Variants in LIPH observed in about 807,000 individuals in gnomAD.
LIPH encodes the protein lipase H, also known as lipase member H.
LIPH carries 32 observed loss-of-function variants against 47.6 expected under a neutral mutation model. The observed-to-expected ratio is 0.67, with a 90% CI of 0.51 to 0.90. The LOEUF (loss-of-function observed/expected upper bound fraction) is 0.90, where lower values mean the gene tolerates loss of function less well. Ranked by LOEUF, LIPH falls within the 40% of genes least tolerant of loss-of-function variation. The probability of loss-of-function intolerance (pLI) is 0.00; values close to 1 mark genes in which losing one functional copy is unlikely to be tolerated. For missense variants in LIPH, 497 were observed against 541.4 expected, an observed-to-expected ratio of 0.92 and a Z score of 0.81; for synonymous variants, 190 against 195.6, an observed-to-expected ratio of 0.97 and a Z score of 0.24.
chr3:185,532,438 G>C lies in LIPH; in HGVS notation c.526+1133C>G, dbSNP rs929789259. Among the ~76,000 whole-genome samples the C allele has an allele frequency of 1.6e-4, 24 of 152,094 alleles. No individual in the cohort carries two copies. The East Asian group carries it at 2.1e-3, about 13-fold the overall frequency. ...GAGTGGAGGACTGCTTGTGCCTGGG[G>C]GGGCGTTGAGGCTGCAGTGAGCTGC... On this transcript the variant is annotated intron_variant, in intron 3 of 9. Coordinates refer to ENST00000296252, the MANE Select transcript of LIPH (RefSeq NM_139248.3).
chr3:185,526,185 A>G (rs1277104707), intron 4 of LIPH, among the ~76,000 whole-genome samples: 1 of 151,916 alleles, frequency 6.6e-6, no homozygotes, highest in African/African-American at 2.4e-5. Flanking sequence ...CAACATAGCG[A>G]GACCCCCATC....
chr3:185,534,185 G>T (rs937992427), intron 2 of LIPH, among the ~76,000 whole-genome samples: 1 of 152,058 alleles, frequency 6.6e-6, no homozygotes, highest in African/African-American at 2.4e-5. Context: ...GTGAAACCCC[G>T]TCTCTACTAA....
At chr3:185,531,637 A>C (rs998212950) in intron 3 of LIPH, among the ~76,000 whole-genome samples, 4 of 151,586 alleles carry the variant, frequency 2.6e-5, no homozygotes, top group African/African-American at 9.7e-5. Context: ...TCCCAGCACT[A>C]TGGGGGACCA....
intron 1 of LIPH, among the ~76,000 whole-genome samples, chr3:185,550,084 G>A (rs1721006362): frequency 6.6e-6 from 1 of 152,064 alleles, no homozygotes; most frequent in South Asian, 2.1e-4. Context: ...TGAATGACTT[G>A]TATCCTTGGG....
intron 9 of LIPH, among the ~76,000 whole-genome samples, chr3:185,509,133 A>T (rs1201003964): frequency 1.3e-5 from 2 of 151,766 alleles, no homozygotes; most frequent in South Asian, 4.2e-4. Context: ...TCTACTAAAA[A>T]TACAAAAATT....
intron 3 of LIPH, 21 bp downstream of exon 3, chr3:185,533,550 T>C (rs766027118): frequency 6.6e-7 from 1 of 1,514,284 alleles, no homozygotes; most frequent in South Asian, 1.1e-5. Flanking sequence ...TACCAACCCA[T>C]GCCCATTCAC....
chr3:185,523,457 T>C (rs1719969798), intron 5 of LIPH, among the ~76,000 whole-genome samples: 1 of 152,128 alleles, frequency 6.6e-6, no homozygotes, highest in Non-Finnish European at 1.5e-5. Flanking sequence ...TAGGTTAGAG[T>C]GCAGTGGCAT....
At chr3:185,541,394 CTT>C (rs11349854) in intron 1 of LIPH, among the ~76,000 whole-genome samples, 2,102 of 130,760 alleles carry the variant, frequency 0.016, 30 homozygotes, top group African/African-American at 0.046. Context: ...ATCTTTCTTT[CTT>C]TTTTTTTTTT....
At position 185,517,627 on chromosome 3, in the gene LIPH, G is replaced by A. The variant is rs112868552; in HGVS notation, c.887-465C>T. On this transcript the variant is annotated intron_variant, in intron 6 of 9. Transcript: ENST00000296252. ...TGACTGACTGTGTCACTAAGCAGGT[G>A]AGTGTCCTCCTTTGTTTTTGCTGTC... Among the ~76,000 whole-genome samples the A allele has an allele frequency of 7.0e-3, 1,063 of 152,234 alleles. 11 individuals carry two copies. The highest frequency in any genetic ancestry group is 0.012 in the Non-Finnish European group (844 of 68,018).
intron 3 of LIPH, among the ~76,000 whole-genome samples, chr3:185,533,053 A>G (rs527254787): frequency 6.6e-6 from 1 of 152,296 alleles, no homozygotes; most frequent in Non-Finnish European, 1.5e-5. Context: ...TAGGCAGGAG[A>G]TTCCAGCAAA....
At chr3:185,517,577 A>C (rs56367168) in intron 6 of LIPH, among the ~76,000 whole-genome samples, 1 of 152,094 alleles carries the variant, frequency 6.6e-6, no homozygotes, top group African/African-American at 2.4e-5. Flanking sequence ...GGGCCCCTAA[A>C]TTGCATAGAC....
chr3:185,527,902 A>G (rs979784266), intron 3 of LIPH, among the ~76,000 whole-genome samples: 1 of 151,018 alleles, frequency 6.6e-6, no homozygotes, highest in Non-Finnish European at 1.5e-5. Flanking sequence ...GGCGGTCCCC[A>G]GGAAAAAAGC....
chr3:185,521,754 G>A (rs954223040), intron 5 of LIPH, among the ~76,000 whole-genome samples: 1 of 152,204 alleles, frequency 6.6e-6, no homozygotes, highest in Non-Finnish European at 1.5e-5. Context: ...GTGTTCACGA[G>A]TCTGTAGTAG....
chr3:185,539,430 C>A (rs1329781983), intron 1 of LIPH, among the ~76,000 whole-genome samples: 1 of 145,610 alleles, frequency 6.9e-6, no homozygotes, highest in African/African-American at 2.6e-5. Context: ...AGTGCAGTGG[C>A]GTGATCTTGG....
At chr3:185,536,781 C>T (rs887453299) in intron 1 of LIPH, among the ~76,000 whole-genome samples, 3 of 152,102 alleles carry the variant, frequency 2.0e-5, no homozygotes, top group African/African-American at 7.2e-5. Flanking sequence ...TGGTTTTTAT[C>T]GTTACTTAAC....
rs776736700 is a variant in LIPH at position 185,523,200 on chromosome 3, G to A, written c.718+871C>T. On this transcript the variant is annotated intron_variant, in intron 5 of 9. Coordinates refer to ENST00000296252, the MANE Select transcript of LIPH (RefSeq NM_139248.3). Reference sequence around the variant, plus strand: ...TTATTTCTCTAGGAGCAATTTCCAGGTGTGGAATTTCTAGATCAAAGACAT... The same window carrying A: ...TTATTTCTCTAGGAGCAATTTCCAGATGTGGAATTTCTAGATCAAAGACAT... 2.0e-5 allele frequency among the ~76,000 whole-genome samples: 3 copies of A among 152,022 alleles called. No homozygotes were observed. The East Asian group carries it at 5.8e-4, about 29-fold the overall frequency.
In LIPH at chr3:185,513,338, C is replaced by CAA. The variant is rs56090966; in HGVS notation, c.1094+1070_1094+1071dup. On this transcript the variant is annotated intron_variant, in intron 8 of 9. Transcript: ENST00000296252. ...CTGGTGACAGGGCAAGGCTCTGTCT[C>CAA]AAAAAAAAAAAAAAAAAGATGTAAA... 4.6e-3 allele frequency among the ~76,000 whole-genome samples: 501 copies of CAA among 109,792 alleles called. 7 individuals carry two copies. Among genetic ancestry groups the CAA allele is most frequent in the African/African-American group, 0.016 (477 of 28,988 alleles). 72.0% of individuals were successfully genotyped at this position (109,792 alleles called of 152,430 possible).
In LIPH at chr3:185,511,588, T is replaced by C; in HGVS notation, c.1204A>G (p.Ile402Val). 6.2e-7 allele frequency: 1 copy of C among 1,614,062 alleles called. No homozygotes were observed. Among genetic ancestry groups the C allele is most frequent in the Non-Finnish European group, 8.5e-7 (1 of 1,179,908 alleles). The change falls in exon 9 of 10, where the codon ATA (isoleucine) becomes GTA (valine). Residue 402 changes from isoleucine (I) to valine (V), a missense_variant. Physicochemically the swap from Ile to Val is conservative, Grantham distance 29. Coordinates refer to ENST00000296252, the MANE Select transcript of LIPH (RefSeq NM_139248.3). ...ISLMFSTGSL[I>V]GPRYKLRILR... ...ATCCTGAGCTTGTACCTTGGGCCTATTAGAGATCCTGTAGAGAACATCAAG... is the reference window on the plus strand; with the variant it reads ...ATCCTGAGCTTGTACCTTGGGCCTACTAGAGATCCTGTAGAGAACATCAAG...
At chr3:185,509,059 A>AG (rs1719472247) in intron 9 of LIPH, among the ~76,000 whole-genome samples, 182 bp from the exon 10 acceptor site, 1 of 151,760 alleles carries the variant, frequency 6.6e-6, no homozygotes, top group Non-Finnish European at 1.5e-5. Context: ...TAAGAGGCCG[A>AG]GGCGGGCAGA....
Sources: gnomAD v4.1 joint callset for allele counts (sites outside exome capture counted in the v4.1 genomes callset) on GRCh38, gnomAD v4.1.1 for gene constraint, MANE v1.5 for transcripts, NCBI Gene and HGNC (gene_info 2026-07-23, HGNC 2026-07-21) for gene names.